PTPN9: variants seen among roughly 807,000 people sequenced by gnomAD.
PTPN9 encodes the protein tyrosine-protein phosphatase non-receptor type 9.
Under a neutral mutation model 69.8 loss-of-function variants are expected in PTPN9, and 26 were observed. That is an observed-to-expected ratio of 0.37 (90% CI 0.27 to 0.52). The LOEUF (loss-of-function observed/expected upper bound fraction) is 0.52, where lower values mean the gene tolerates loss of function less well. PTPN9 is among the 20% of genes least tolerant of loss of function. PTPN9 has a pLI of 0.91. For synonymous variants in PTPN9, 274 were observed against 272.5 expected (o/e 1.01, Z -0.05); for missense variants, 549 against 740.3 (o/e 0.74, Z 3.00).
intron 8 of PTPN9, among the ~76,000 whole-genome samples, chr15:75,482,176 T>A (rs1351046092): frequency 6.6e-6 from 1 of 151,714 alleles, no homozygotes; most frequent in Non-Finnish European, 1.5e-5. Context: ...CTGTGCTCTC[T>A]GAAACATGTG....
intron 1 of PTPN9, among the ~76,000 whole-genome samples, chr15:75,559,783 A>AG (rs2075095989): frequency 7.0e-6 from 1 of 142,544 alleles, no homozygotes; most frequent in African/African-American, 2.6e-5. Context: ...AAAAAAAAAA[A>AG]AAGAAGAAAG....
chr15:75,559,634 C>A (rs976140375), intron 1 of PTPN9, among the ~76,000 whole-genome samples: 2 of 151,980 alleles, frequency 1.3e-5, no homozygotes, highest in African/African-American at 4.8e-5. Flanking sequence ...ACAAACACTG[C>A]GGAAGGCCGC....
At chr15:75,573,326 A>T (rs2075157431) in intron 1 of PTPN9, among the ~76,000 whole-genome samples, 1 of 152,208 alleles carries the variant, frequency 6.6e-6, no homozygotes, top group African/African-American at 2.4e-5. Context: ...TAGAAAAGAT[A>T]CTGTTACGAT....
chr15:75,482,564 C>CAAAAAA (rs145653223), intron 8 of PTPN9, among the ~76,000 whole-genome samples: 2 of 35,388 alleles, frequency 5.7e-5, no homozygotes, highest in African/African-American at 1.0e-4. Context: ...GACTCCGTCT[C>CAAAAAA]AAAAAAAAAA....
intron 7 of PTPN9, among the ~76,000 whole-genome samples, chr15:75,499,956 T>A (rs12916964): frequency 0.33 from 49,373 of 151,886 alleles, 8,818 homozygotes; most frequent in Middle Eastern, 0.48. Flanking sequence ...GGTGGGCAGA[T>A]CACTTGAGGT....
In PTPN9 at chr15:75,521,174, G is replaced by A. The variant is rs895281002; in HGVS notation, c.422+1947C>T. 9.5e-5 allele frequency among the ~76,000 whole-genome samples: 14 copies of A among 148,024 alleles called. No homozygotes were observed. In the East Asian group the frequency reaches 1.1e-3, roughly 12 times the overall value. On this transcript the variant is annotated intron_variant, in intron 4 of 12. Transcript: ENST00000618819. Reference sequence around the variant, plus strand: ...TTAAGATTTACAATGGGCCGGGCACGGTGGCTCACGCCTGTAATCCCAACA... The same window carrying A: ...TTAAGATTTACAATGGGCCGGGCACAGTGGCTCACGCCTGTAATCCCAACA...
intron 1 of PTPN9, among the ~76,000 whole-genome samples, chr15:75,535,935 T>C (rs993701114): frequency 6.6e-6 from 1 of 152,200 alleles, no homozygotes; most frequent in African/African-American, 2.4e-5. Flanking sequence ...ACAAATCCAG[T>C]CCCTTTAATA....
chr15:75,575,433 C>T (rs2075167776), intron 1 of PTPN9, among the ~76,000 whole-genome samples: 1 of 151,970 alleles, frequency 6.6e-6, no homozygotes, highest in Non-Finnish European at 1.5e-5. Flanking sequence ...CTCAAAAGTA[C>T]AAGGATTTTC....
Position 75,494,796 on chromosome 15 carries a change from G to A in PTPN9, c.969-4495C>T, listed in dbSNP as rs2074730601. Among the ~76,000 whole-genome samples the A allele has an allele frequency of 2.0e-5, 3 of 152,058 alleles. No individual in the cohort carries two copies. The South Asian group carries it at 6.2e-4, about 32-fold the overall frequency. On this transcript the variant is annotated intron_variant, in intron 7 of 12. Coordinates refer to ENST00000618819, the MANE Select transcript of PTPN9 (RefSeq NM_002833.4). ...CCCAGCACTTTGGGAGGCCAAGGAG[G>A]GCAGATCTCCTGAAGTCAGGAGTTT...
chr15:75,476,380 T>C (rs1469208875), intron 9 of PTPN9, among the ~76,000 whole-genome samples: 1 of 152,188 alleles, frequency 6.6e-6, no homozygotes, highest in Non-Finnish European at 1.5e-5. Flanking sequence ...AGTGGCGTGA[T>C]CTCAGCTCAC....
intron 4 of PTPN9, among the ~76,000 whole-genome samples, chr15:75,521,167 C>T (rs919337173): frequency 6.2e-5 from 9 of 145,170 alleles, no homozygotes; most frequent in Admixed American, 5.5e-4. Context: ...TACAATGGGC[C>T]GGGCACGGTG....
intron 8 of PTPN9, among the ~76,000 whole-genome samples, chr15:75,482,348 G>A (rs1052034280): frequency 5.9e-5 from 9 of 151,766 alleles, no homozygotes; most frequent in Admixed American, 2.6e-4. Context: ...GGCGGATGAC[G>A]AGGTCAGGAG....
intron 3 of PTPN9, 30 bp downstream of exon 3, chr15:75,524,179 G>A: frequency 2.3e-6 from 3 of 1,318,620 alleles, no homozygotes; most frequent in Non-Finnish European, 3.2e-6. Flanking sequence ...AAGTAATAAG[G>A]CCCTACAAGA....
intron 1 of PTPN9, among the ~76,000 whole-genome samples, chr15:75,564,205 C>G (rs2075116680): frequency 6.6e-6 from 1 of 151,888 alleles, no homozygotes; most frequent in Non-Finnish European, 1.5e-5. Context: ...CCTGCCTCAG[C>G]CTCCCAAAGT....
intron 7 of PTPN9, among the ~76,000 whole-genome samples, chr15:75,504,898 C>T (rs927278606): frequency 1.3e-5 from 2 of 151,906 alleles, no homozygotes; most frequent in Admixed American, 6.5e-5. Context: ...CACCTCTGCC[C>T]AGCCACCCCT....
intron 1 of PTPN9, among the ~76,000 whole-genome samples, chr15:75,542,683 C>A (rs1257262044): frequency 6.6e-6 from 1 of 152,070 alleles, no homozygotes; most frequent in Non-Finnish European, 1.5e-5. Flanking sequence ...GTGTGACAGC[C>A]CCAGATCAGG....
intron 1 of PTPN9, among the ~76,000 whole-genome samples, chr15:75,546,970 ACAG>A (rs1416890407): frequency 6.6e-6 from 1 of 151,998 alleles, no homozygotes; most frequent in Non-Finnish European, 1.5e-5. Flanking sequence ...CAGTTCTGCC[ACAG>A]CAGAACTCTC....
rs1246476648 is a variant in PTPN9, at chr15:75,490,398, TA to T, written c.969-98del. On this transcript the variant is annotated intron_variant, in intron 7 of 12. Coordinates refer to ENST00000618819, the MANE Select transcript of PTPN9 (RefSeq NM_002833.4). Reference sequence around the variant, plus strand: ...ATGCTAAAGGGGTGTCAATTACTCTTAGGGGTGGAGACATGGAAGCTTTTCA... The same window carrying T: ...ATGCTAAAGGGGTGTCAATTACTCTTGGGGTGGAGACATGGAAGCTTTTCA... The T allele has an allele frequency of 6.1e-6, 5 of 820,716 alleles. No individual in the cohort carries two copies. In the East Asian group the frequency reaches 9.7e-5, roughly 16 times the overall value. The allele number at this position is 820,716 out of a possible 1,614,324, so 50.8% of individuals were successfully genotyped here. A position where few individuals can be genotyped will look rare whatever the true frequency, so the allele number is the denominator to read the frequency against.
intron 1 of PTPN9, among the ~76,000 whole-genome samples, chr15:75,573,506 T>C (rs2075158098): frequency 6.6e-6 from 1 of 152,174 alleles, no homozygotes; most frequent in East Asian, 1.9e-4. Context: ...TAAGTAATCA[T>C]GACTTTCAAA....
Sources: gnomAD v4.1 joint callset for allele counts (sites outside exome capture counted in the v4.1 genomes callset) on GRCh38, gnomAD v4.1.1 for gene constraint, MANE v1.5 for transcripts, NCBI Gene and HGNC (gene_info 2026-07-23, HGNC 2026-07-21) for gene names.